CDC42BPA: variants seen among roughly 807,000 people sequenced by gnomAD.
CDC42BPA encodes the protein serine/threonine-protein kinase MRCK alpha.
Under a neutral mutation model 223.5 loss-of-function variants are expected in CDC42BPA, and 80 were observed. The ratio of observed to expected loss-of-function variants is 0.36; its 90% confidence interval spans 0.30 to 0.43. The LOEUF is 0.43. CDC42BPA is among the 20% of genes least tolerant of loss of function. CDC42BPA has a pLI of 1.00. For synonymous variants in CDC42BPA, 694 were observed against 718.6 expected, an observed-to-expected ratio of 0.97 and a Z score of 0.55; for missense variants, 1,743 against 2,099.9, an observed-to-expected ratio of 0.83 and a Z score of 3.32.
chr1:227,233,970 G>T (rs1043897476), intron 2 of CDC42BPA, among the ~76,000 whole-genome samples: 1 of 152,146 alleles, frequency 6.6e-6, no homozygotes, highest in Non-Finnish European at 1.5e-5. Flanking sequence ...AGCTAGAAAA[G>T]AATGTGTAGT....
intron 1 of CDC42BPA, among the ~76,000 whole-genome samples, chr1:227,263,766 G>C (rs1684514825): frequency 6.6e-6 from 1 of 151,916 alleles, no homozygotes; most frequent in Non-Finnish European, 1.5e-5. Flanking sequence ...ATTTTTAGTA[G>C]AGACGGGGTT....
At chr1:227,046,220 A>AAG in intron 23 of CDC42BPA, among the ~76,000 whole-genome samples, 1 of 151,952 alleles carries the variant, frequency 6.6e-6, no homozygotes, top group Non-Finnish European at 1.5e-5. Flanking sequence ...ATGTGTCCAC[A>AAG]TGAGAGCAAA....
intron 2 of CDC42BPA, among the ~76,000 whole-genome samples, chr1:227,220,977 T>C (rs1675802784): frequency 6.6e-6 from 1 of 152,238 alleles, no homozygotes; most frequent in African/African-American, 2.4e-5. Context: ...GAAAGAGTAG[T>C]ACATGCTTGC....
At chr1:226,999,654 G>T (rs1662370308) in intron 35 of CDC42BPA, among the ~76,000 whole-genome samples, 1 of 152,146 alleles carries the variant, frequency 6.6e-6, no homozygotes, top group Admixed American at 6.5e-5. Context: ...GCACACGTAT[G>T]TTTATTGCAG....
intron 1 of CDC42BPA, among the ~76,000 whole-genome samples, chr1:227,296,297 C>T (rs1244083676): frequency 2.0e-5 from 3 of 152,086 alleles, no homozygotes; most frequent in African/African-American, 7.2e-5. Context: ...AAATCTGGAA[C>T]AATTGGAATT....
intron 4 of CDC42BPA, among the ~76,000 whole-genome samples, chr1:227,196,929 T>C (rs534260698): frequency 6.6e-6 from 1 of 152,330 alleles, no homozygotes; most frequent in South Asian, 2.1e-4. Flanking sequence ...TATGTGTCAA[T>C]GTTGATATAA....
intron 2 of CDC42BPA, among the ~76,000 whole-genome samples, chr1:227,223,911 T>C (rs1026502356): frequency 6.6e-6 from 1 of 152,202 alleles, no homozygotes; most frequent in Non-Finnish European, 1.5e-5. Context: ...TGCTAGATGA[T>C]TGTGCCCCAC....
chr1:227,062,525 T>C (rs566329981), intron 21 of CDC42BPA, among the ~76,000 whole-genome samples: 1 of 152,280 alleles, frequency 6.6e-6, no homozygotes, highest in Non-Finnish European at 1.5e-5. Context: ...AAATATTGTA[T>C]TATGCTTAAG....
At chr1:227,196,590 T>C (rs544424958) in intron 4 of CDC42BPA, among the ~76,000 whole-genome samples, 9 of 152,110 alleles carry the variant, frequency 5.9e-5, no homozygotes, top group South Asian at 2.1e-4. Context: ...CCGCCCGCCT[T>C]GGCCTCCCAA....
At chr1:227,001,622 C>G (rs1227934363) in intron 35 of CDC42BPA, among the ~76,000 whole-genome samples, 1 of 152,142 alleles carries the variant, frequency 6.6e-6, no homozygotes, top group Non-Finnish European at 1.5e-5. Flanking sequence ...CTAATGTGAA[C>G]TGGGCTGGGC....
At position 227,139,641 on chromosome 1, in the gene CDC42BPA, T is replaced by G. The variant is rs750993097; in HGVS notation, c.1325A>C (p.Glu442Ala). The change falls in exon 10 of 37, where the codon GAA becomes GCA. Residue 442 changes from glutamate (E) to alanine (A), a missense_variant. Physicochemically the swap from Glu to Ala is moderately radical, Grantham distance 107 (BLOSUM62 -1). This residue lies in a region of CDC42BPA where 464 missense variants were observed against 488.0 expected (regional missense o/e 0.95). Transcript: ENST00000366766. ...QRTLDNNLAT[E>A]AYERRIKRLE... ...GCGCTTAATTCTTCTTTCATAAGCTTCAGTTGCTAAGTTGTTGTCTAGAGT... is the reference window on the plus strand; with the variant it reads ...GCGCTTAATTCTTCTTTCATAAGCTGCAGTTGCTAAGTTGTTGTCTAGAGT... 2 of 1,612,066 alleles carry G rather than the reference T, an allele frequency of 1.2e-6. No homozygotes were observed. The highest frequency in any genetic ancestry group is 3.3e-5 in the Admixed American group (2 of 59,812).
chr1:227,265,216 G>A (rs752544325), intron 1 of CDC42BPA: 34 of 591,866 alleles, frequency 5.7e-5, no homozygotes, highest in Non-Finnish European at 1.0e-4. Context: ...TGCACACTTT[G>A]GCATCTAACA....
chr1:227,174,939 G>C (rs1458805948), intron 5 of CDC42BPA, among the ~76,000 whole-genome samples: 1 of 152,026 alleles, frequency 6.6e-6, no homozygotes, highest in East Asian at 1.9e-4. Context: ...CATATGACTC[G>C]ACTTCTGTTC....
At chr1:227,316,680 G>C (rs1694455958) in intron 1 of CDC42BPA, among the ~76,000 whole-genome samples, 1 of 152,178 alleles carries the variant, frequency 6.6e-6, no homozygotes, top group Non-Finnish European at 1.5e-5. Flanking sequence ...ATAGTGCCAT[G>C]TATTAGGCAA....
intron 16 of CDC42BPA, among the ~76,000 whole-genome samples, chr1:227,083,015 C>G (rs1337227192): frequency 1.3e-5 from 2 of 152,028 alleles, no homozygotes; most frequent in Non-Finnish European, 2.9e-5. Context: ...TAGGATTTGT[C>G]TAAGTGGGGT....
chr1:227,216,509 T>C (rs913085273), intron 2 of CDC42BPA, among the ~76,000 whole-genome samples: 2 of 152,222 alleles, frequency 1.3e-5, no homozygotes, highest in Non-Finnish European at 1.5e-5. Flanking sequence ...GTTCAGGAAA[T>C]ATTCTTGAAT....
In CDC42BPA at chr1:227,006,348, G is replaced by A. The variant is rs563408785; in HGVS notation, c.4858-1237C>T. On this transcript the variant is annotated intron_variant, in intron 34 of 36. Transcript: ENST00000366766. The stretch of plus-strand genomic sequence containing the variant: ...TGAGGGTGTGCCATAAAGGCAGCAT[G>A]GTGGCTGTGAGCACAGGCTATGGAG... 5.0e-4 allele frequency among the ~76,000 whole-genome samples: 76 copies of A among 152,304 alleles called. 1 individual carries two copies. Among genetic ancestry groups the A allele is most frequent in the Non-Finnish European group, 9.0e-4 (61 of 68,034 alleles).
intron 8 of CDC42BPA, among the ~76,000 whole-genome samples, chr1:227,145,026 T>C (rs1007066299): frequency 6.6e-6 from 1 of 152,190 alleles, no homozygotes; most frequent in Non-Finnish European, 1.5e-5. Flanking sequence ...GTGTGTGGTA[T>C]ATGTGACTTT....
At chr1:227,310,675 T>G (rs896247140) in intron 1 of CDC42BPA, among the ~76,000 whole-genome samples, 1 of 88,440 alleles carries the variant, frequency 1.1e-5, no homozygotes, top group Admixed American at 9.9e-5. Context: ...TGGAAAGGAG[T>G]TTTTTTTTTT....
Sources: allele counts gnomAD v4.1 joint callset (sites outside exome capture counted in the v4.1 genomes callset), GRCh38; gene constraint gnomAD v4.1.1; regional missense constraint gnomAD v4.1.1; transcripts MANE v1.5; gene names NCBI Gene and HGNC (gene_info 2026-07-23, HGNC 2026-07-21).